FGF14: variants seen among roughly 807,000 people sequenced by gnomAD.
FGF14 encodes fibroblast growth factor 14, also known as fibroblast growth factor homologous factor 4.
FGF14 carries 5 observed loss-of-function variants against 25.5 expected under a neutral mutation model. The ratio of observed to expected loss-of-function variants is 0.20; its 90% confidence interval spans 0.10 to 0.41. FGF14 has a LOEUF of 0.41. Among genes scored for constraint, FGF14 ranks in the 10% least tolerant of loss-of-function variants. FGF14 has a pLI of 1.00. For synonymous variants in FGF14, 138 were observed against 118.3 expected, an observed-to-expected ratio of 1.17 and a Z score of -1.08; for missense variants, 222 against 320.1, an observed-to-expected ratio of 0.69 and a Z score of 2.34.
intron 3 of FGF14, among the ~76,000 whole-genome samples, chr13:101,770,975 A>G (rs1353339504): frequency 6.6e-6 from 1 of 152,124 alleles, no homozygotes; most frequent in Non-Finnish European, 1.5e-5. Flanking sequence ...TTAAAATTAT[A>G]TTAAACTATA....
At chr13:101,785,305 C>T (rs559147407) in intron 3 of FGF14, among the ~76,000 whole-genome samples, 1 of 150,162 alleles carries the variant, frequency 6.7e-6, no homozygotes, top group East Asian at 2.0e-4. Context: ...TCATGACAGA[C>T]TCTATTTAAA....
chr13:101,864,222 A>C (rs1747599121), intron 3 of FGF14, among the ~76,000 whole-genome samples: 1 of 152,092 alleles, frequency 6.6e-6, no homozygotes, highest in African/African-American at 2.4e-5. Flanking sequence ...GTTGTTGCTT[A>C]AGTGAAGAAG....
chr13:102,188,930 G>GA (rs1250568955), intron 1 of FGF14, among the ~76,000 whole-genome samples: 3 of 126,084 alleles, frequency 2.4e-5, no homozygotes, highest in Admixed American at 8.4e-5. Flanking sequence ...GACAGAGTGA[G>GA]AAAAAAAAGA....
Position 102,308,933 on chromosome 13 carries a change from A to AC in FGF14, c.208+92537_208+92538insG, listed in dbSNP as rs1183484844. ...TTCTTATACAAAAAAAAAAAAAAAA[A>AC]ACACAAAAAAAACAGACCCTAGAAA... On this transcript the variant is annotated intron_variant, in intron 1 of 4. Coordinates refer to the FGF14 transcript ENST00000376131. Among the ~76,000 whole-genome samples the AC allele has an allele frequency of 1.2e-3, 180 of 150,428 alleles. 5 individuals are homozygous for AC. The highest frequency in any genetic ancestry group is 0.01 in the Admixed American group (156 of 15,090).
At chr13:101,925,988 A>G (rs191009451) in intron 1 of FGF14, among the ~76,000 whole-genome samples, 4 of 152,178 alleles carry the variant, frequency 2.6e-5, no homozygotes, top group East Asian at 1.9e-4. Flanking sequence ...ATTTCCTACT[A>G]CTGACTCTGA....
At chr13:102,080,648 T>C (rs1007010062) in intron 1 of FGF14, among the ~76,000 whole-genome samples, 1 of 152,200 alleles carries the variant, frequency 6.6e-6, no homozygotes, top group Non-Finnish European at 1.5e-5. Context: ...TGTAAGTGAT[T>C]ACAACCTAAA....
chr13:102,325,409 T>A (rs945528778), intron 1 of FGF14, among the ~76,000 whole-genome samples: 1 of 152,186 alleles, frequency 6.6e-6, no homozygotes, highest in Non-Finnish European at 1.5e-5. Flanking sequence ...ATTCAAAGAC[T>A]GTACTTCCTT....
intron 1 of FGF14, among the ~76,000 whole-genome samples, chr13:102,230,786 T>A (rs772572060): frequency 1.3e-5 from 2 of 152,210 alleles, no homozygotes; most frequent in African/African-American, 2.4e-5. Context: ...TTTGCCATAA[T>A]ACCTGTAAAG....
At chr13:101,802,249 A>C in intron 3 of FGF14, 1 of 261,420 alleles carries the variant, frequency 3.8e-6, no homozygotes, top group Non-Finnish European at 7.6e-6. Context: ...ATGTGGAATA[A>C]CTTAAGTGAC....
chr13:101,721,441 T>TTTATTTA lies in FGF14; in HGVS notation c.*1389_*1390insTAAATAA, dbSNP rs35551918. ...TCATGGATGAATGTGTTGGTTTGCC[T>TTTATTTA]TTATTTTCATCTAGGATAATTCAAC... is the stretch of plus-strand genomic sequence containing the variant. On this transcript the variant is annotated 3_prime_UTR_variant, in exon 5 of 5. Transcript: ENST00000376143. 1.7e-5 allele frequency: 1 copy of TTTATTTA among 57,752 alleles called. No individual in the cohort carries two copies. The highest frequency in any genetic ancestry group is 8.3e-4 in the East Asian group (1 of 1,210). 3.6% of individuals were successfully genotyped at this position (57,752 alleles called of 1,614,324 possible).
chr13:102,111,738 A>G (rs956660966), intron 1 of FGF14, among the ~76,000 whole-genome samples: 1 of 150,640 alleles, frequency 6.6e-6, no homozygotes, highest in Non-Finnish European at 1.5e-5. Context: ...AAAAAAAGAT[A>G]GTCTCATGTA....
chr13:102,371,859 A>C (rs1473766215), intron 1 of FGF14, among the ~76,000 whole-genome samples: 1 of 152,186 alleles, frequency 6.6e-6, no homozygotes, highest in African/African-American at 2.4e-5. Flanking sequence ...ACAAGCTTTA[A>C]ACAAAGAATA....
intron 1 of FGF14, among the ~76,000 whole-genome samples, chr13:102,234,371 C>G (rs2051230726): frequency 1.4e-5 from 1 of 71,108 alleles, no homozygotes; most frequent in South Asian, 4.3e-4. Context: ...TGGAAACATA[C>G]ACTTAAATGT....
chr13:101,942,324 G>C (rs542453455), intron 1 of FGF14, among the ~76,000 whole-genome samples: 2 of 152,172 alleles, frequency 1.3e-5, no homozygotes, highest in South Asian at 4.2e-4. Flanking sequence ...CCCTTAGACA[G>C]AGCAGAAGCC....
chr13:102,297,370 G>A (rs1482536475), intron 1 of FGF14, among the ~76,000 whole-genome samples: 1 of 152,050 alleles, frequency 6.6e-6, no homozygotes, highest in Non-Finnish European at 1.5e-5. Flanking sequence ...TGGAAAACTG[G>A]AACAGGAAAA....
chr13:101,776,660 T>G (rs1230101791), intron 3 of FGF14, among the ~76,000 whole-genome samples: 2 of 152,206 alleles, frequency 1.3e-5, no homozygotes. Flanking sequence ...ACAGCACATC[T>G]CATTGCTGAG....
chr13:102,386,990 T>C (rs989212118), intron 1 of FGF14, among the ~76,000 whole-genome samples: 1 of 152,216 alleles, frequency 6.6e-6, no homozygotes, highest in Non-Finnish European at 1.5e-5. Flanking sequence ...TGTCTACTAC[T>C]GCTATCACCA....
intron 1 of FGF14, among the ~76,000 whole-genome samples, chr13:102,131,510 C>T (rs531603967): frequency 2.4e-4 from 37 of 152,212 alleles, no homozygotes; most frequent in Admixed American, 4.6e-4. Flanking sequence ...CAGCCGTATG[C>T]GCAACTCATT....
chr13:102,328,845 A>G (rs148264663), intron 1 of FGF14, among the ~76,000 whole-genome samples: 8 of 152,286 alleles, frequency 5.3e-5, no homozygotes, highest in African/African-American at 1.9e-4. Flanking sequence ...TTCCGGTGAA[A>G]CTGATGCCAT....
Sources: allele counts gnomAD v4.1 joint callset (sites outside exome capture counted in the v4.1 genomes callset), GRCh38; gene constraint gnomAD v4.1.1; transcripts MANE v1.5; gene names NCBI Gene and HGNC (gene_info 2026-07-23, HGNC 2026-07-21).